The following CCDC80 variants were observed in gnomAD, a reference collection of about 807,000 sequenced individuals.
The protein encoded by CCDC80 is coiled-coil domain-containing protein 80.
Under a neutral mutation model 78.7 loss-of-function variants are expected in CCDC80, and 49 were observed. That is an observed-to-expected ratio of 0.62 (90% CI 0.50 to 0.79). The LOEUF (loss-of-function observed/expected upper bound fraction) is 0.79. Among genes scored for constraint, CCDC80 ranks in the 30% least tolerant of loss-of-function variants. The pLI is 0.00. For synonymous variants in CCDC80, 488 were observed against 447.0 expected (o/e 1.09, Z -1.16); for missense variants, 1,205 against 1,198.6 (o/e 1.01, Z -0.08).
chr3:112,638,221 A>G lies in CCDC80; in HGVS notation c.1685T>C (p.Leu562Ser). The G allele has an allele frequency of 6.2e-7, 1 of 1,612,846 alleles. No homozygotes were observed. The highest frequency in any genetic ancestry group is 8.5e-7 in the Non-Finnish European group (1 of 1,179,008). Residue 562 changes from leucine (L) to serine (S), a missense_variant, in exon 2 of 8, where the codon TTA becomes TCA. Physicochemically the swap from Leu to Ser is moderately radical, Grantham distance 145 (BLOSUM62 -2). Transcript: ENST00000206423. ...KKMKNENADKLLKSEKQMKKS... is the reference protein window; with the variant it reads ...KKMKNENADKSLKSEKQMKKS... ...CTTCATTTGCTTTTCACTCTTAAGT[A>G]ACTTGTCTGCGTTCTCATTCTTCAT...
chr3:112,605,231 T>A lies in CCDC80; in HGVS notation c.*186A>T, dbSNP rs1935456426. ...TAGAAAAACAATTCTTTTAAATGTC[T>A]TTATGATTTGAGGTTTCAATAATAA... On this transcript the variant is annotated 3_prime_UTR_variant, in exon 8 of 8. Coordinates refer to ENST00000206423, the MANE Select transcript of CCDC80 (RefSeq NM_199511.3). 2 of 498,012 alleles carry A rather than the reference T, an allele frequency of 4.0e-6. No individual in the cohort carries two copies. Among genetic ancestry groups the A allele is most frequent in the Middle Eastern group, 5.1e-4 (1 of 1,962 alleles). 30.8% of individuals were successfully genotyped at this position (498,012 alleles called of 1,614,324 possible).
chr3:112,608,924 G>C (rs1273794582), intron 6 of CCDC80, among the ~76,000 whole-genome samples: 2 of 152,126 alleles, frequency 1.3e-5, no homozygotes. Context: ...CCTTGGCTCT[G>C]TTAATGCTTT....
At chr3:112,618,126 T>A (rs971883197) in intron 4 of CCDC80, among the ~76,000 whole-genome samples, 1 of 152,222 alleles carries the variant, frequency 6.6e-6, no homozygotes, top group Non-Finnish European at 1.5e-5. Flanking sequence ...AGGAAAGCAC[T>A]TGATAAAGTG....
rs1936275865 is a variant in CCDC80 at position 112,638,954 on chromosome 3, C to G, written c.952G>C (p.Ala318Pro). ...SEKKKEDPRR[A>P]QVPPTRESRV... The stretch of plus-strand genomic sequence containing the variant: ...CTCTCTCTGGTTGGTGGGACTTGTG[C>G]TCTCCTTGGGTCCTCTTTCTTCTTC... The change falls in exon 2 of 8, where the codon GCA becomes CCA. Residue 318 changes from alanine (A) to proline (P), a missense_variant. Transcript: ENST00000206423. The G allele has an allele frequency of 1.2e-6, 2 of 1,612,878 alleles. No individual in the cohort carries two copies. Among genetic ancestry groups the G allele is most frequent in the Admixed American group, 3.3e-5 (2 of 59,986 alleles).
rs1045400920 is a variant in CCDC80, at chr3:112,602,326, T to C, written c.*3091A>G. The C allele has an allele frequency of 2.6e-5, 4 of 152,182 alleles. No individual in the cohort carries two copies. The highest frequency in any genetic ancestry group is 1.5e-5 in the Non-Finnish European group (1 of 68,038). 9.4% of individuals were successfully genotyped at this position (152,182 alleles called of 1,614,324 possible). A position where few individuals can be genotyped will look rare whatever the true frequency, so the allele number is the denominator to read the frequency against. ...AGTCCCTGAGACACAATATTGAAAG[T>C]AGATCAATTAATAACCCTAAAATAG... On this transcript the variant is annotated 3_prime_UTR_variant, in exon 8 of 8. Coordinates refer to ENST00000206423, the MANE Select transcript of CCDC80 (RefSeq NM_199511.3).
chr3:112,634,244 G>T (rs1936162160), intron 2 of CCDC80, among the ~76,000 whole-genome samples: 1 of 152,060 alleles, frequency 6.6e-6, no homozygotes, highest in Non-Finnish European at 1.5e-5. Flanking sequence ...ATAAGTAGAT[G>T]GTTGTCCTAA....
In CCDC80 at chr3:112,628,951, A is replaced by G. The variant is rs530899545; in HGVS notation, c.2035+1162T>C. ...TATAGTTATCAATACTGTATTGTGC[A>G]CTTAAAAATGTATTAAGAGGGAAGA... On this transcript the variant is annotated intron_variant, in intron 3 of 7. Transcript: ENST00000206423. 3.3e-4 allele frequency among the ~76,000 whole-genome samples: 51 copies of G among 152,254 alleles called. No individual in the cohort carries two copies. In the East Asian group the frequency reaches 9.3e-3, roughly 28 times the overall value.
At position 112,602,870 on chromosome 3, in the gene CCDC80, G is replaced by T. The variant is rs1935398867; in HGVS notation, c.*2547C>A. On this transcript the variant is annotated 3_prime_UTR_variant, in exon 8 of 8. Coordinates refer to ENST00000206423, the MANE Select transcript of CCDC80 (RefSeq NM_199511.3). ...CTAGTTAAGATAATTAATGAAAGTG[G>T]CTACACTAAACAATAGATTTTCAAA... is the stretch of plus-strand genomic sequence containing the variant. 6.6e-6 allele frequency: 1 copy of T among 152,652 alleles called. No individual in the cohort carries two copies. Among genetic ancestry groups the T allele is most frequent in the South Asian group, 2.1e-4 (1 of 4,836 alleles). 9.5% of individuals were successfully genotyped at this position (152,652 alleles called of 1,614,324 possible). A position where few individuals can be genotyped will look rare whatever the true frequency, so the allele number is the denominator to read the frequency against.
chr3:112,597,243 T>A lies in CCDC80; in HGVS notation c.*8174A>T, dbSNP rs1037485217. ...ATTAAACCATAGTCTTCATATACCT[T>A]TACCACGCCTCCTTCCTCCAATTAG... On this transcript the variant is annotated 3_prime_UTR_variant, in exon 8 of 8. Coordinates refer to ENST00000206423, the MANE Select transcript of CCDC80 (RefSeq NM_199511.3). 1 of 152,152 alleles carries A rather than the reference T, an allele frequency of 6.6e-6. No homozygotes were observed. The highest frequency in any genetic ancestry group is 2.4e-5 in the African/African-American group (1 of 41,442). 9.4% of individuals were successfully genotyped at this position (152,152 alleles called of 1,614,324 possible).
intron 3 of CCDC80, among the ~76,000 whole-genome samples, chr3:112,621,274 G>C (rs1181035511): frequency 6.6e-6 from 1 of 152,178 alleles, no homozygotes. Context: ...GATTGTTCTT[G>C]CTTCTGCCAT....
At chr3:112,619,186 C>T in intron 3 of CCDC80, 82 bp from the exon 4 acceptor site, 1 of 1,262,576 alleles carries the variant, frequency 7.9e-7, no homozygotes, top group Non-Finnish European at 1.1e-6. Flanking sequence ...GGCTTTGGGC[C>T]TAATCACACC....
intron 4 of CCDC80, 101 bp from the exon 5 acceptor site, chr3:112,616,959 A>G (rs1576784879): frequency 8.5e-7 from 1 of 1,179,660 alleles, no homozygotes; most frequent in East Asian, 2.4e-5. Flanking sequence ...CTCTGGGGAA[A>G]TCTTTGAAAT....
At chr3:112,637,813 G>A (rs373652902) in intron 2 of CCDC80, among the ~76,000 whole-genome samples, 1 of 152,158 alleles carries the variant, frequency 6.6e-6, no homozygotes, top group Non-Finnish European at 1.5e-5. Flanking sequence ...GTACCACAGG[G>A]CCATGAGTTG....
chr3:112,605,531 G>A lies in CCDC80; in HGVS notation c.2739C>T (p.Cys913=), dbSNP rs1279687587. 6 of 1,614,112 alleles carry A rather than the reference G, an allele frequency of 3.7e-6. No individual in the cohort carries two copies. Among genetic ancestry groups the A allele is most frequent in the Non-Finnish European group, 4.2e-6 (5 of 1,180,006 alleles). Residue 913 remains cysteine (C), a synonymous_variant, in exon 8 of 8, where the codon TGC becomes TGT. Coordinates refer to ENST00000206423, the MANE Select transcript of CCDC80 (RefSeq NM_199511.3). Reference sequence around the variant, plus strand: ...CATAGCCTGCATACTCATCTTCTGGGCAGCGCATCCCCAGTGACTGCTGAA... The same window carrying A: ...CATAGCCTGCATACTCATCTTCTGGACAGCGCATCCCCAGTGACTGCTGAA... ...MAIQQSLGMR[C]PEDEYAGYGY... is the part of the protein sequence containing the mutation.
intron 5 of CCDC80, among the ~76,000 whole-genome samples, chr3:112,610,927 T>TG (rs983299336): frequency 3.4e-5 from 5 of 147,784 alleles, no homozygotes; most frequent in African/African-American, 1.0e-4. Flanking sequence ...TTTTTTTTTT[T>TG]TTTTTGAGAC....
intron 2 of CCDC80, among the ~76,000 whole-genome samples, chr3:112,632,595 T>C (rs1397773732): frequency 6.6e-6 from 1 of 152,178 alleles, no homozygotes. Context: ...CCCTTGTGTA[T>C]ATTAAGGATA....
chr3:112,621,721 G>T (rs1003679326), intron 3 of CCDC80, among the ~76,000 whole-genome samples: 2 of 152,190 alleles, frequency 1.3e-5, no homozygotes, highest in Non-Finnish European at 2.9e-5. Context: ...AATATAAGCA[G>T]CTAGATCTCT....
At chr3:112,617,938 T>A (rs1263588473) in intron 4 of CCDC80, among the ~76,000 whole-genome samples, 2 of 152,212 alleles carry the variant, frequency 1.3e-5, no homozygotes, top group African/African-American at 2.4e-5. Context: ...AGACAGTGGG[T>A]TCGGGAGCCA....
At chr3:112,637,934 C>T in intron 2 of CCDC80, 94 bp downstream of exon 2, 4 of 1,517,682 alleles carry the variant, frequency 2.6e-6, no homozygotes, top group East Asian at 2.3e-5. Flanking sequence ...CACAGTCTGG[C>T]ATCTAGCAAT....
Sources: allele counts gnomAD v4.1 joint callset (sites outside exome capture counted in the v4.1 genomes callset), GRCh38; gene constraint gnomAD v4.1.1; transcripts MANE v1.5; gene names NCBI Gene and HGNC (gene_info 2026-07-23, HGNC 2026-07-21).